The following MTMR7 variants were observed in gnomAD, a reference collection of about 807,000 sequenced individuals.
MTMR7 encodes the protein phosphatidylinositol-3-phosphate phosphatase MTMR7.
A neutral mutation model predicts 81.2 loss-of-function variants in MTMR7; 76 were observed. That is an observed-to-expected ratio of 0.94 (90% CI 0.78 to 1.13). The LOEUF is 1.13. Among genes scored for constraint, MTMR7 ranks in the 50% most tolerant of loss-of-function variants. The pLI, the probability that MTMR7 is intolerant of heterozygous loss-of-function variation, is 0.00. For synonymous variants in MTMR7, 372 were observed against 289.8 expected, an observed-to-expected ratio of 1.28 and a Z score of -2.88; for missense variants, 1,044 against 820.0, an observed-to-expected ratio of 1.27 and a Z score of -3.34.
chr8:17,318,986 A>G (rs6984683), intron 7 of MTMR7, among the ~76,000 whole-genome samples: 121,425 of 152,278 alleles, frequency 0.8, 48,793 homozygotes, highest in African/African-American at 0.89. Flanking sequence ...GACACTTCCA[A>G]ATGTTTTTAA....
intron 1 of MTMR7, among the ~76,000 whole-genome samples, chr8:17,408,015 C>G (rs193002304): frequency 3.3e-5 from 5 of 152,252 alleles, no homozygotes; most frequent in Admixed American, 3.3e-4. Context: ...GAGTTCAACA[C>G]TAATTCTGGC....
chr8:17,370,556 A>C (rs1820386571), intron 3 of MTMR7, among the ~76,000 whole-genome samples: 1 of 102,962 alleles, frequency 9.7e-6, no homozygotes, highest in African/African-American at 4.0e-5. Context: ...AGTGCCTCAA[A>C]AAAAAAAAAA....
At chr8:17,364,543 G>A (rs1203504919) in intron 3 of MTMR7, among the ~76,000 whole-genome samples, 1 of 152,178 alleles carries the variant, frequency 6.6e-6, no homozygotes, top group Non-Finnish European at 1.5e-5. Flanking sequence ...CCTCCTGCCT[G>A]AGGCTTTGCA....
At chr8:17,370,129 T>C (rs1328550418) in intron 3 of MTMR7, among the ~76,000 whole-genome samples, 1 of 130,934 alleles carries the variant, frequency 7.6e-6, no homozygotes, top group Admixed American at 7.4e-5. Context: ...CCACATTAAG[T>C]TTTTTTTTTT....
At chr8:17,300,375 G>T (rs144540473) in intron 13 of MTMR7, 151 bp from the exon 14 acceptor site, 3 of 796,332 alleles carry the variant, frequency 3.8e-6, no homozygotes, top group Non-Finnish European at 5.8e-6. Flanking sequence ...TGGACTTCAC[G>T]ACCTTGGACA....
Position 17,300,213 on chromosome 8 carries a change from T to G in MTMR7, c.1632A>C (p.Lys544Asn). 1 of 1,602,176 alleles carries G rather than the reference T, an allele frequency of 6.2e-7. No individual in the cohort carries two copies. ...TGCAATTTAACTGGACCTTTTGAAT[T>G]TTTTCCAGCCTCTAAGAAAGAAATA... The part of the protein sequence containing the change: ...ELEALEERLE[K>N]IQKVQLNCTK... The change falls in exon 14 of 14, where the codon AAA (lysine) becomes AAC (asparagine). Residue 544 changes from lysine to asparagine, a missense_variant. By Grantham distance (94) the Lys-to-Asn change is moderately conservative (BLOSUM62 0). Transcript: ENST00000180173.
chr8:17,338,715 C>A (rs1237715316), intron 6 of MTMR7: 4 of 145,412 alleles, frequency 2.8e-5, no homozygotes, highest in Non-Finnish European at 5.9e-5. Context: ...TGAAAATCTT[C>A]CAGCAAAGGA....
intron 12 of MTMR7, 40 bp downstream of exon 12, chr8:17,304,339 G>T: frequency 6.3e-7 from 1 of 1,596,072 alleles, no homozygotes; most frequent in Non-Finnish European, 8.6e-7. Flanking sequence ...CAGAATCCAA[G>T]TTCATACCAT....
chr8:17,302,322 G>A, intron 12 of MTMR7, 42 bp from the exon 13 acceptor site: 1 of 1,573,484 alleles, frequency 6.4e-7, no homozygotes, highest in Non-Finnish European at 8.6e-7. Flanking sequence ...CCTTATCACA[G>A]TCTGAAAATT....
At chr8:17,402,862 A>T (rs913227744) in intron 1 of MTMR7, among the ~76,000 whole-genome samples, 6 of 152,198 alleles carry the variant, frequency 3.9e-5, no homozygotes, top group African/African-American at 1.4e-4. Flanking sequence ...CATTCCCACC[A>T]ACAGTGCATG....
At chr8:17,380,798 T>A (rs1820733257) in intron 1 of MTMR7, among the ~76,000 whole-genome samples, 1 of 152,186 alleles carries the variant, frequency 6.6e-6, no homozygotes. Context: ...AGACAGTTAA[T>A]AATTATTGTA....
chr8:17,371,328 C>T (rs947378587), intron 2 of MTMR7, 129 bp from the exon 3 acceptor site: 7 of 998,732 alleles, frequency 7.0e-6, no homozygotes, highest in South Asian at 3.6e-5. Flanking sequence ...TCAACCCTTG[C>T]GTTCAGATGA....
chr8:17,322,010 G>A (rs1034063455), intron 7 of MTMR7, among the ~76,000 whole-genome samples: 4 of 121,514 alleles, frequency 3.3e-5, no homozygotes, highest in African/African-American at 1.6e-4. Flanking sequence ...TGGGGTCAGT[G>A]AGGGTGCAGA....
chr8:17,392,973 A>G (rs1264940196), intron 1 of MTMR7, among the ~76,000 whole-genome samples: 2 of 152,342 alleles, frequency 1.3e-5, no homozygotes, highest in Non-Finnish European at 2.9e-5. Context: ...CTTTAAGTGT[A>G]TTCTGTTTAG....
At position 17,305,844 on chromosome 8, in the gene MTMR7, C is replaced by G. The variant is rs1218918725; in HGVS notation, c.1265G>C (p.Arg422Thr). 10 of 1,613,482 alleles carry G rather than the reference C, an allele frequency of 6.2e-6. No homozygotes were observed. The Admixed American group carries it at 1.7e-4, about 27-fold the overall frequency. ...QFPCAFEFNE[R>T]FLIHIQHHIY... Reference sequence around the variant, plus strand: ...GTGATGTTGAATGTGAATCAAAAACCTCTCATTGAACTCAAAGGCACAGGG... The same window carrying G: ...GTGATGTTGAATGTGAATCAAAAACGTCTCATTGAACTCAAAGGCACAGGG... The change falls in exon 11 of 14, where the codon AGG becomes ACG. Residue 422 changes from arginine (R) to threonine (T), a missense_variant. Arg to Thr is a moderately conservative substitution (Grantham distance 71). Transcript: ENST00000180173.
At chr8:17,395,717 A>G (rs187355362) in intron 1 of MTMR7, among the ~76,000 whole-genome samples, 14 of 152,266 alleles carry the variant, frequency 9.2e-5, no homozygotes, top group Admixed American at 5.9e-4. Flanking sequence ...GGCCATTTGT[A>G]TATCTTCTTT....
rs373883427 is a variant in MTMR7, at chr8:17,361,126, T to C, written c.459A>G (p.Arg153=). The change falls in exon 4 of 14, where the codon AGA becomes AGG. Residue 153 remains arginine, a synonymous_variant. Coordinates refer to ENST00000180173, the MANE Select transcript of MTMR7 (RefSeq NM_004686.5). The part of the protein sequence containing the change: ...NHYWQLSDVN[R]DYRVCDSYPT... ...GGTTTCACGCACTCACTCTGTAGTC[T>C]CTATTCACATCGCTGAGCTGCCAGT... 8.7e-6 allele frequency: 14 copies of C among 1,614,034 alleles called. No individual in the cohort carries two copies. Among genetic ancestry groups the C allele is most frequent in the Non-Finnish European group, 1.2e-5 (14 of 1,180,022 alleles).
intron 1 of MTMR7, among the ~76,000 whole-genome samples, chr8:17,389,590 A>C (rs1436780126): frequency 6.6e-6 from 1 of 152,236 alleles, no homozygotes; most frequent in Non-Finnish European, 1.5e-5. Context: ...TCAATGAATG[A>C]AAATTAACAG....
At chr8:17,343,957 T>C (rs1177752764) in intron 5 of MTMR7, among the ~76,000 whole-genome samples, 1 of 152,218 alleles carries the variant, frequency 6.6e-6, no homozygotes, top group African/African-American at 2.4e-5. Flanking sequence ...AACTCTTCAG[T>C]TGTAAACCGG....
Sources: allele counts gnomAD v4.1 joint callset (sites outside exome capture counted in the v4.1 genomes callset), GRCh38; gene constraint gnomAD v4.1.1; transcripts MANE v1.5; gene names NCBI Gene and HGNC (gene_info 2026-07-23, HGNC 2026-07-21).